RTN4IP1: variants seen among roughly 807,000 people sequenced by gnomAD.
The protein encoded by RTN4IP1 is NAD(P)H oxidoreductase RTN4IP1, mitochondrial.
In RTN4IP1, 32 loss-of-function variants were observed where a neutral mutation model predicts 46.6. That is an observed-to-expected ratio of 0.69 (90% confidence interval 0.52 to 0.92). The LOEUF is 0.92. RTN4IP1 is among the 40% of genes least tolerant of loss of function. RTN4IP1 has a pLI of 0.00. For missense variants in RTN4IP1, 424 were observed against 485.8 expected (o/e 0.87, Z 1.20); for synonymous variants, 167 against 161.8 (o/e 1.03, Z -0.24).
At chr6:106,589,159 AGGAGGAGGCGGTG>A (rs1775559894) in intron 6 of RTN4IP1, among the ~76,000 whole-genome samples, 2 of 67,656 alleles carry the variant, frequency 3.0e-5, no homozygotes, top group African/African-American at 5.1e-5. Context: ...AAGAGGAAGG[AGGAGGAGGCGGTG>A]GAGGAGGAGG....
rs373379513 is a variant in RTN4IP1, at chr6:106,614,145, CTCAGA to C, written c.620+5052_620+5056del. ...ACTTTCTAAATTGACTGAGACCTGT[CTCAGA>C]TATTTTGGGTTCACAAATCTTATAG... On this transcript the variant is annotated intron_variant, in intron 4 of 8. Transcript: ENST00000369063. Among the ~76,000 whole-genome samples, 726 of 152,290 alleles carry C rather than the reference CTCAGA, an allele frequency of 4.8e-3. 9 individuals are homozygous for C. Among genetic ancestry groups the C allele is most frequent in the African/African-American group, 0.017 (699 of 41,554 alleles).
chr6:106,592,631 A>C (rs1562138944), intron 5 of RTN4IP1, among the ~76,000 whole-genome samples: 1 of 152,328 alleles, frequency 6.6e-6, no homozygotes, highest in East Asian at 1.9e-4. Flanking sequence ...AGGAGTTGAA[A>C]GCCTCAAATT....
intron 1 of RTN4IP1, among the ~76,000 whole-genome samples, chr6:106,627,556 C>A (rs1327115128): frequency 6.6e-6 from 1 of 151,998 alleles, no homozygotes; most frequent in Non-Finnish European, 1.5e-5. Flanking sequence ...GATGAAAAAA[C>A]ATGCTGATCA....
chr6:106,578,486 T>C (rs1371064959), intron 8 of RTN4IP1, among the ~76,000 whole-genome samples: 1 of 152,172 alleles, frequency 6.6e-6, no homozygotes, highest in African/African-American at 2.4e-5. Context: ...AAAGTAAGTG[T>C]GTTAAATAGT....
intron 2 of RTN4IP1, among the ~76,000 whole-genome samples, chr6:106,621,724 A>C (rs1776491308): frequency 6.6e-6 from 1 of 152,222 alleles, no homozygotes; most frequent in South Asian, 2.1e-4. Flanking sequence ...TGCTGCATTT[A>C]CTGACTACTT....
intron 4 of RTN4IP1, among the ~76,000 whole-genome samples, chr6:106,618,503 G>A (rs1776405083): frequency 6.6e-6 from 1 of 152,166 alleles, no homozygotes; most frequent in Non-Finnish European, 1.5e-5. Context: ...CATAAACTGT[G>A]TCACCAGTTT....
chr6:106,604,324 G>A (rs1776009650), intron 4 of RTN4IP1, among the ~76,000 whole-genome samples: 1 of 152,086 alleles, frequency 6.6e-6, no homozygotes, highest in Admixed American at 6.6e-5. Context: ...TCCAAATTGT[G>A]TTCCTTCTAG....
Position 106,596,567 on chromosome 6 carries a change from A to G in RTN4IP1, c.670-4267T>C, listed in dbSNP as rs552887407. On this transcript the variant is annotated intron_variant, in intron 5 of 8. Transcript: ENST00000369063. ...CACTGCATCTCAGCCTGGATGACAG[A>G]GCAACACACTGTCTCAAAAATAATG... Among the ~76,000 whole-genome samples the G allele has an allele frequency of 3.3e-5, 5 of 152,334 alleles. 1 individual carries two copies. The highest frequency in any genetic ancestry group is 1.2e-4 in the African/African-American group (5 of 41,574).
chr6:106,585,516 CA>C (rs1328694301), intron 7 of RTN4IP1, among the ~76,000 whole-genome samples: 1 of 152,174 alleles, frequency 6.6e-6, no homozygotes, highest in East Asian at 1.9e-4. Context: ...CAGAAATGGT[CA>C]CAACTGCCAC....
chr6:106,594,575 A>AAAG (rs1219024509), intron 5 of RTN4IP1, among the ~76,000 whole-genome samples: 1 of 152,128 alleles, frequency 6.6e-6, no homozygotes, highest in Non-Finnish European at 1.5e-5. Context: ...CCACCCAGAT[A>AAAG]AAGCAGCAGC....
At chr6:106,572,357 T>C (rs1257586241) in intron 8 of RTN4IP1, 1 of 489,822 alleles carries the variant, frequency 2.0e-6, no homozygotes, top group East Asian at 3.5e-5. Context: ...TCTTTCACTC[T>C]CCTACTTAGA....
Position 106,602,877 on chromosome 6 carries a change from T to C in RTN4IP1, c.666A>G (p.Ile222Met). Reference protein sequence around the residue: ...GASGGVGTFAIQVMKAWDAHV... With the variant: ...GASGGVGTFAMQVMKAWDAHV... The stretch of plus-strand genomic sequence containing the variant: ...CAAGATTAAAAAATGGTTTTACCTG[T>C]ATAGCAAAAGTACCAACTCCGCCTG... Residue 222 changes from isoleucine to methionine, a missense_variant, in exon 5 of 9, where the codon ATA becomes ATG. By Grantham distance (10) the Ile-to-Met change is conservative (BLOSUM62 1). Transcript: ENST00000369063. 6.2e-7 allele frequency: 1 copy of C among 1,600,820 alleles called. No individual in the cohort carries two copies. The highest frequency in any genetic ancestry group is 8.5e-7 in the Non-Finnish European group (1 of 1,174,826).
chr6:106,579,275 T>C (rs554653817), intron 8 of RTN4IP1, among the ~76,000 whole-genome samples: 9 of 150,974 alleles, frequency 6.0e-5, no homozygotes, highest in African/African-American at 1.5e-4. Flanking sequence ...GCTCAGAGGA[T>C]GTGCAAAAAC....
At chr6:106,593,347 T>C (rs920166009) in intron 5 of RTN4IP1, among the ~76,000 whole-genome samples, 1 of 152,210 alleles carries the variant, frequency 6.6e-6, no homozygotes, top group African/African-American at 2.4e-5. Context: ...GAATTAAGTA[T>C]CCAGAAAGCA....
upstream of RTN4IP1, chr6:106,629,812 C>T (rs1776776997): frequency 7.3e-7 from 1 of 1,379,228 alleles, no homozygotes; most frequent in African/African-American, 1.4e-5. Context: ...CACCTCGCTG[C>T]TTCCTCTAGA....
intron 7 of RTN4IP1, among the ~76,000 whole-genome samples, chr6:106,587,074 C>A (rs1161998352): frequency 6.6e-6 from 1 of 152,156 alleles, no homozygotes; most frequent in Non-Finnish European, 1.5e-5. Flanking sequence ...TGATACAATC[C>A]CAGCAGAGGC....
chr6:106,587,420 A>T (rs1314124234), intron 7 of RTN4IP1, among the ~76,000 whole-genome samples: 1 of 152,232 alleles, frequency 6.6e-6, no homozygotes, highest in Non-Finnish European at 1.5e-5. Flanking sequence ...CCTTACAACA[A>T]TGCAGTAAGG....
rs1315276090 is a variant in RTN4IP1, at chr6:106,619,438, G to C, written c.496-112C>G. 3.1e-5 allele frequency: 40 copies of C among 1,272,970 alleles called. No individual in the cohort carries two copies. The Middle Eastern group carries it at 9.6e-4, about 31-fold the overall frequency. 78.9% of individuals were successfully genotyped at this position (1,272,970 alleles called of 1,614,324 possible). A position where few individuals can be genotyped will look rare whatever the true frequency, so the allele number is the denominator to read the frequency against. On this transcript the variant is annotated intron_variant, in intron 3 of 8. Coordinates refer to ENST00000369063, the MANE Select transcript of RTN4IP1 (RefSeq NM_032730.5). ...GCTGACCCTTGAACAACAGGGGTTTGAATTGTGCAAGTCCACTTATACGTG... is the reference window on the plus strand; with the variant it reads ...GCTGACCCTTGAACAACAGGGGTTTCAATTGTGCAAGTCCACTTATACGTG...
rs1187493003 is a variant in RTN4IP1 at position 106,629,444 on chromosome 6, C to G, written c.-423G>C. The G allele has an allele frequency of 9.9e-6, 6 of 605,424 alleles. No individual in the cohort carries two copies. In the East Asian group the frequency reaches 1.4e-4, roughly 14 times the overall value. The allele number at this position is 605,424 out of a possible 1,614,324, so 37.5% of individuals were successfully genotyped here. On this transcript the variant is annotated 5_prime_UTR_variant, in exon 1 of 9. Transcript: ENST00000369063. ...ACGCTTGCCGACTGCCGCCGCGACC[C>G]TGGCCCGGAATCTCCTTGCCTGCCC...
Sources: gnomAD v4.1 joint callset for allele counts (sites outside exome capture counted in the v4.1 genomes callset) on GRCh38, gnomAD v4.1.1 for gene constraint, MANE v1.5 for transcripts, NCBI Gene and HGNC (gene_info 2026-07-23, HGNC 2026-07-21) for gene names.